AGAP1: variants seen among roughly 807,000 people sequenced by gnomAD.
AGAP1 encodes the protein arf-GAP with GTPase, ANK repeat and PH domain-containing protein 1.
AGAP1 carries 29 observed loss-of-function variants against 105.3 expected under a neutral mutation model. The ratio of observed to expected loss-of-function variants is 0.28; its 90% confidence interval spans 0.21 to 0.38. The LOEUF (loss-of-function observed/expected upper bound fraction) is 0.38, where lower values mean the gene tolerates loss of function less well. Ranked by LOEUF, AGAP1 falls within the 10% of genes least tolerant of loss-of-function variation. AGAP1 has a pLI of 1.00. For missense variants in AGAP1, 998 were observed against 1,165.1 expected (o/e 0.86, Z 2.09); for synonymous variants, 509 against 485.9 (o/e 1.05, Z -0.63).
chr2:236,112,403 G>A (rs1459702940), intron 16 of AGAP1, among the ~76,000 whole-genome samples: 2 of 149,466 alleles, frequency 1.3e-5, no homozygotes, highest in African/African-American at 2.5e-5. Context: ...GTGGCACAGC[G>A]ACATTCCATC....
chr2:235,999,045 C>A (rs1476457145), intron 13 of AGAP1, among the ~76,000 whole-genome samples: 1 of 139,832 alleles, frequency 7.2e-6, no homozygotes, highest in Non-Finnish European at 1.5e-5. Flanking sequence ...CTGGTGATGG[C>A]AAGAATGATA....
At position 235,968,547 on chromosome 2, in the gene AGAP1, C is replaced by T. The variant is rs772178937; in HGVS notation, c.1569C>T (p.His523=). The change falls in exon 13 of 18, where the codon CAC becomes CAT. Residue 523 remains histidine (H), a synonymous_variant. Transcript: ENST00000304032. ...SPKLDPPPSP[H]ANRKKHRRKK... ...AGCTCGACCCGCCCCCCTCCCCTCA[C>T]GCCAACAGAAAGAAGCACCGAAGGA... The T allele has an allele frequency of 1.4e-4, 168 of 1,200,698 alleles. No homozygotes were observed. The South Asian group carries it at 1.9e-3, about 14-fold the overall frequency. 74.4% of individuals were successfully genotyped at this position (1,200,698 alleles called of 1,614,324 possible). A position where few individuals can be genotyped will look rare whatever the true frequency, so the allele number is the denominator to read the frequency against.
intron 6 of AGAP1, among the ~76,000 whole-genome samples, chr2:235,762,571 C>T (rs1355224839): frequency 6.6e-6 from 1 of 152,072 alleles, no homozygotes; most frequent in African/African-American, 2.4e-5. Flanking sequence ...ACTTTGTTTT[C>T]CTAAGAGAAA....
intron 13 of AGAP1, among the ~76,000 whole-genome samples, chr2:236,016,332 G>A (rs527805212): frequency 6.8e-6 from 1 of 147,994 alleles, no homozygotes; most frequent in Non-Finnish European, 1.5e-5. Flanking sequence ...TCAACTTAGC[G>A]TGCATATCAT....
chr2:235,947,095 AGTTTT>A (rs1559681331), intron 12 of AGAP1, among the ~76,000 whole-genome samples: 1 of 152,104 alleles, frequency 6.6e-6, no homozygotes, highest in Non-Finnish European at 1.5e-5. Context: ...TGATTTCAGT[AGTTTT>A]TTGGGGAACA....
At chr2:235,885,218 ACAC>A (rs1250315128) in intron 10 of AGAP1, among the ~76,000 whole-genome samples, 1 of 152,172 alleles carries the variant, frequency 6.6e-6, no homozygotes, top group African/African-American at 2.4e-5. Flanking sequence ...CACTGTGTAT[ACAC>A]TGCCCACAGC....
chr2:236,002,152 A>G lies in AGAP1; in HGVS notation c.1645+33529A>G, dbSNP rs1223141086. The stretch of plus-strand genomic sequence containing the variant: ...GCTTCCCCGCACAAGCAGTGCTACC[A>G]AGGGTCCATTTGTTACTGAGTCATT... On this transcript the variant is annotated intron_variant, in intron 13 of 17. Coordinates refer to ENST00000304032, the MANE Select transcript of AGAP1 (RefSeq NM_001037131.3). The surrounding 1 kb of genome is among the most constrained non-coding windows in gnomAD (Gnocchi z 4.3). Among the ~76,000 whole-genome samples, 2 of 152,170 alleles carry G rather than the reference A, an allele frequency of 1.3e-5. No homozygotes were observed. The highest frequency in any genetic ancestry group is 4.8e-5 in the African/African-American group (2 of 41,442).
At position 236,012,853 on chromosome 2, in the gene AGAP1, A is replaced by G. The variant is rs1291060590; in HGVS notation, c.1646-23708A>G. Among the ~76,000 whole-genome samples, 2 of 152,100 alleles carry G rather than the reference A, an allele frequency of 1.3e-5. No individual in the cohort carries two copies. The highest frequency in any genetic ancestry group is 1.3e-4 in the Admixed American group (2 of 15,268). ...GAGTGCAGTGGTACGATCTCAGCTC[A>G]CTGCAACCTCCGCCTCCAGAGTAGC... is the stretch of plus-strand genomic sequence containing the variant. On this transcript the variant is annotated intron_variant, in intron 13 of 17. Coordinates refer to ENST00000304032, the MANE Select transcript of AGAP1 (RefSeq NM_001037131.3). This position sits in a 1 kb window ranked among gnomAD's most constrained non-coding sequence, Gnocchi z 4.9.
At chr2:235,795,105 G>GT (rs924402259) in intron 6 of AGAP1, among the ~76,000 whole-genome samples, 6 of 152,044 alleles carry the variant, frequency 3.9e-5, no homozygotes, top group Non-Finnish European at 8.8e-5. Context: ...TCTTTGAGTT[G>GT]TTTTTTTGGG....
chr2:235,587,812 G>C (rs1945170198), intron 1 of AGAP1, among the ~76,000 whole-genome samples: 1 of 151,786 alleles, frequency 6.6e-6, no homozygotes, highest in Non-Finnish European at 1.5e-5. Flanking sequence ...TAAGAGGCCA[G>C]TGTGAGGGTC....
In AGAP1 at chr2:235,586,583, C is replaced by T. The variant is rs1284200880; in HGVS notation, c.163+91734C>T. Among the ~76,000 whole-genome samples the T allele has an allele frequency of 6.6e-6, 1 of 152,178 alleles. No homozygotes were observed. Among genetic ancestry groups the T allele is most frequent in the East Asian group, 1.9e-4 (1 of 5,190 alleles). On this transcript the variant is annotated intron_variant, in intron 1 of 17. Coordinates refer to ENST00000304032, the MANE Select transcript of AGAP1 (RefSeq NM_001037131.3). This position sits in a 1 kb window ranked among gnomAD's most constrained non-coding sequence, Gnocchi z 4.2. ...TGCACAGGCCTGTGTGACCTGAAGG[C>T]CCTTGCAGGCTGAGGTCTCTTGGTG...
chr2:235,822,295 G>T (rs1031400446), intron 9 of AGAP1, among the ~76,000 whole-genome samples: 2 of 152,216 alleles, frequency 1.3e-5, no homozygotes, highest in African/African-American at 4.8e-5. Context: ...TGTATTGGAG[G>T]GAAGGAGTAA....
In AGAP1 at chr2:236,082,256, T is replaced by C. The variant is rs974278354; in HGVS notation, c.2114+32975T>C. On this transcript the variant is annotated intron_variant, in intron 16 of 17. Coordinates refer to ENST00000304032, the MANE Select transcript of AGAP1 (RefSeq NM_001037131.3). The surrounding 1 kb of genome is among the most constrained non-coding windows in gnomAD (Gnocchi z 4.2). ...CTTCTGATCTCATCGCTGGAAGTTA[T>C]AGATGCAGATATTATTTGCACTGCG... Among the ~76,000 whole-genome samples, 20 of 152,252 alleles carry C rather than the reference T, an allele frequency of 1.3e-4. No homozygotes were observed. Among genetic ancestry groups the C allele is most frequent in the Non-Finnish European group, 1.8e-4 (12 of 68,044 alleles).
chr2:236,087,551 C>T lies in AGAP1; in HGVS notation c.2115-32641C>T, dbSNP rs2058964370. On this transcript the variant is annotated intron_variant, in intron 16 of 17. Transcript: ENST00000304032. This position sits in a 1 kb window ranked among gnomAD's most constrained non-coding sequence, Gnocchi z 5.7. ...TGTGGTGCACACTGCCCATGACGGG[C>T]TACTTGGACGGCTCATGCCCACCTC... Among the ~76,000 whole-genome samples, 1 of 152,166 alleles carries T rather than the reference C, an allele frequency of 6.6e-6. No homozygotes were observed. The highest frequency in any genetic ancestry group is 2.4e-5 in the African/African-American group (1 of 41,440).
rs911103185 is a variant in AGAP1, at chr2:236,078,311, A to C, written c.2114+29030A>C. Among the ~76,000 whole-genome samples the C allele has an allele frequency of 1.5e-4, 23 of 151,974 alleles. No homozygotes were observed. The highest frequency in any genetic ancestry group is 3.9e-4 in the African/African-American group (16 of 41,386). On this transcript the variant is annotated intron_variant, in intron 16 of 17. Transcript: ENST00000304032. The surrounding 1 kb of genome is among the most constrained non-coding windows in gnomAD (Gnocchi z 5.3). ...CCTGTTTTTTGCTCTTTGGGCTCTC[A>C]CCTGATGGGATGAGGCCCACCTGCT...
intron 9 of AGAP1, among the ~76,000 whole-genome samples, chr2:235,863,931 A>C (rs2049039308): frequency 6.6e-6 from 1 of 152,226 alleles, no homozygotes; most frequent in Non-Finnish European, 1.5e-5. Context: ...GAAGTGTGTC[A>C]TTCAGGAACT....
chr2:235,792,872 A>T lies in AGAP1; in HGVS notation c.674-4887A>T, dbSNP rs1957062386. Among the ~76,000 whole-genome samples, 1 of 152,130 alleles carries T rather than the reference A, an allele frequency of 6.6e-6. No individual in the cohort carries two copies. ...GGCAGAGCTCTTCGTGGCAGTGGCG[A>T]TCCTGGGAGCTCCTGGCACTGAGGT... On this transcript the variant is annotated intron_variant, in intron 6 of 17. Transcript: ENST00000304032. The surrounding 1 kb of genome is among the most constrained non-coding windows in gnomAD (Gnocchi z 5.3).
intron 13 of AGAP1, among the ~76,000 whole-genome samples, chr2:235,987,109 T>C (rs1045388856): frequency 4.1e-5 from 1 of 24,404 alleles, no homozygotes; most frequent in Non-Finnish European, 7.4e-5. Flanking sequence ...CTTTTTATTG[T>C]TATTTATTTA....
Position 236,046,780 on chromosome 2 carries a change from C to T in AGAP1, c.1892-2279C>T, listed in dbSNP as rs545024525. Among the ~76,000 whole-genome samples, 8 of 152,186 alleles carry T rather than the reference C, an allele frequency of 5.3e-5. No homozygotes were observed. Among genetic ancestry groups the T allele is most frequent in the South Asian group, 2.1e-4 (1 of 4,820 alleles). On this transcript the variant is annotated intron_variant, in intron 15 of 17. Coordinates refer to ENST00000304032, the MANE Select transcript of AGAP1 (RefSeq NM_001037131.3). The surrounding 1 kb of genome is among the most constrained non-coding windows in gnomAD (Gnocchi z 5.2). ...GGAAGAGCTGGGAAAGAGATCACAACGGAGCAACCAGGAAAGTGGGGAAAA... is the reference window on the plus strand; with the variant it reads ...GGAAGAGCTGGGAAAGAGATCACAATGGAGCAACCAGGAAAGTGGGGAAAA...
Sources: allele counts gnomAD v4.1 joint callset (sites outside exome capture counted in the v4.1 genomes callset), GRCh38; gene constraint gnomAD v4.1.1; non-coding constraint Gnocchi (gnomAD v3.1); transcripts MANE v1.5; gene names NCBI Gene and HGNC (gene_info 2026-07-23, HGNC 2026-07-21).